USP9X: variants seen among roughly 807,000 people sequenced by gnomAD.
The protein encoded by USP9X is ubiquitin specific peptidase 9 X-linked.
A neutral mutation model predicts 190.3 loss-of-function variants in USP9X; 7 were observed. The ratio of observed to expected loss-of-function variants is 0.04; its 90% CI spans 0.02 to 0.07. USP9X has a LOEUF of 0.07. USP9X is among the 10% of genes least tolerant of loss of function. The probability of loss-of-function intolerance (pLI) is 1.00; values close to 1 mark genes in which losing one functional copy is unlikely to be tolerated. For synonymous variants in USP9X, 645 were observed against 659.5 expected, an observed-to-expected ratio of 0.98 and a Z score of 0.34; for missense variants, 1,010 against 1,916.9, an observed-to-expected ratio of 0.53 and a Z score of 8.83.
chrX:41,172,793 G>GGGCAAACTATCAC (rs1365812679), intron 21 of USP9X, among the ~76,000 whole-genome samples: 3 of 111,568 alleles, frequency 2.7e-5, no homozygotes, highest in Non-Finnish European at 5.7e-5. Flanking sequence ...TTTGATTAAT[G>GGGCAAACTATCAC]GTTTGTGTAT....
intron 21 of USP9X, among the ~76,000 whole-genome samples, chrX:41,179,851 C>T (rs2062810815): frequency 1.8e-5 from 2 of 111,556 alleles, no homozygotes. Context: ...CTTCTCCTTG[C>T]CTTCACAACA....
intron 1 of USP9X, among the ~76,000 whole-genome samples, chrX:41,104,414 A>G (rs1347155233): frequency 1.8e-5 from 2 of 112,276 alleles, no homozygotes; most frequent in African/African-American, 3.2e-5. Flanking sequence ...ATAGGACAAA[A>G]TAATTTTAAA....
Position 41,232,800 on chromosome X carries a change from C to T in USP9X, c.*276C>T. 5.9e-6 allele frequency: 1 copy of T among 168,264 alleles called. No homozygotes were observed. The highest frequency in any genetic ancestry group is 1.1e-5 in the Non-Finnish European group (1 of 88,418). 13.9% of individuals were successfully genotyped at this position (168,264 alleles called of 1,213,427 possible). On this transcript the variant is annotated 3_prime_UTR_variant, in exon 45 of 45. Transcript: ENST00000378308. ...TTAATGTTGACTGTTAATTCTTAAG[C>T]AAGAAACTTTTTTCTTGATGAGACT...
At position 41,107,299 on chromosome X, in the gene USP9X, G is replaced by A. The variant is rs760985350; in HGVS notation, c.-158-16172G>A. 6.2e-5 allele frequency among the ~76,000 whole-genome samples: 7 copies of A among 112,516 alleles called. No homozygotes were observed. In the East Asian group the frequency reaches 1.4e-3, roughly 22 times the overall value. On this transcript the variant is annotated intron_variant, in intron 1 of 44. Transcript: ENST00000378308. ...CTCCCAAAGTGCTGGGATTACAGGCGTGAGCCACTGCGCTTGGCACGATAG... is the reference window on the plus strand; with the variant it reads ...CTCCCAAAGTGCTGGGATTACAGGCATGAGCCACTGCGCTTGGCACGATAG...
At chrX:41,163,983 C>T (rs113705035) in intron 15 of USP9X, among the ~76,000 whole-genome samples, 14,637 of 110,407 alleles carry the variant, frequency 0.13, 895 homozygotes, top group East Asian at 0.21. Flanking sequence ...TACAATTCTC[C>T]TGCCTCAGCC....
intron 1 of USP9X, among the ~76,000 whole-genome samples, chrX:41,110,331 A>G: frequency 8.9e-6 from 1 of 112,776 alleles, no homozygotes; most frequent in Non-Finnish European, 1.9e-5. Flanking sequence ...AACGATACTT[A>G]ACATGCAGAA....
chrX:41,132,337 C>A (rs1178985085), intron 4 of USP9X, among the ~76,000 whole-genome samples: 3 of 76,414 alleles, frequency 3.9e-5, no homozygotes, highest in Non-Finnish European at 7.1e-5. Flanking sequence ...GAATTTCACT[C>A]TTGTTGCCCA....
In USP9X at chrX:41,223,260, T is replaced by G; in HGVS notation, c.6609T>G (p.Ala2203=). ...AGCTTCTGAAATTGAGTGTACCTGC[T>G]ACTTTTATGCTTGTGTCTTTAGATG... ...KTQLLKLSVP[A]TFMLVSLDEG... The change falls in exon 39 of 45, where the codon GCT becomes GCG. Residue 2203 remains alanine (A), a synonymous_variant. Transcript: ENST00000378308. The G allele has an allele frequency of 8.3e-7, 1 of 1,211,868 alleles. No individual in the cohort carries two copies. Among genetic ancestry groups the G allele is most frequent in the Non-Finnish European group, 1.1e-6 (1 of 895,550 alleles).
At chrX:41,147,276 G>A (rs759759265) in intron 11 of USP9X, among the ~76,000 whole-genome samples, 14 of 109,048 alleles carry the variant, frequency 1.3e-4, no homozygotes, top group East Asian at 5.7e-4. Flanking sequence ...ATGTTAGCTA[G>A]AGGTTTTTAA....
chrX:41,144,752 G>A (rs1167858450), intron 11 of USP9X, 126 bp downstream of exon 11: 15 of 495,022 alleles, frequency 3.0e-5, no homozygotes, highest in Non-Finnish European at 4.1e-5. Context: ...GTGGTGTGAA[G>A]GAATTGGCCC....
At chrX:41,107,640 T>C (rs765331550) in intron 1 of USP9X, among the ~76,000 whole-genome samples, 4 of 112,181 alleles carry the variant, frequency 3.6e-5, no homozygotes, top group Non-Finnish European at 5.6e-5. Context: ...TTCTCCCGTT[T>C]CTGGGGCTCT....
At chrX:41,140,938 C>T (rs1232286971) in intron 7 of USP9X, 28 bp from the exon 8 acceptor site, 1 of 1,145,879 alleles carries the variant, frequency 8.7e-7, no homozygotes, top group African/African-American at 1.8e-5. Flanking sequence ...TGCGTATTTA[C>T]AGGAGTTTTG....
chrX:41,130,432 AG>A (rs2062299040), intron 3 of USP9X, among the ~76,000 whole-genome samples: 1 of 108,930 alleles, frequency 9.2e-6, no homozygotes, highest in Non-Finnish European at 1.9e-5. Context: ...GCAAGTTCTC[AG>A]GGGGGAGAAA....
At chrX:41,128,430 CAGTAACATATTTCATT>C (rs1396350128) in intron 2 of USP9X, among the ~76,000 whole-genome samples, 1 of 111,218 alleles carries the variant, frequency 9.0e-6, no homozygotes, top group Non-Finnish European at 1.9e-5. Context: ...TATTAAATGG[CAGTAACATATTTCATT>C]AGGTTGTTGA....
At chrX:41,158,377 C>G (rs936798184) in intron 14 of USP9X, among the ~76,000 whole-genome samples, 1 of 111,384 alleles carries the variant, frequency 9.0e-6, no homozygotes, top group African/African-American at 3.3e-5. Flanking sequence ...TAAAAATTAA[C>G]CGCTGACTTC....
chrX:41,197,309 A>C, intron 28 of USP9X, 55 bp from the exon 29 acceptor site: 4 of 919,727 alleles, frequency 4.3e-6, no homozygotes, highest in East Asian at 3.6e-5. Flanking sequence ...CCTCCCTTTC[A>C]TAAGCTAGAC....
chrX:41,230,412 G>T, intron 43 of USP9X, 89 bp from the exon 44 acceptor site: 3 of 886,311 alleles, frequency 3.4e-6, no homozygotes, highest in East Asian at 3.7e-5. Context: ...CAGTTTTGTA[G>T]ATTTTTAAAA....
intron 2 of USP9X, among the ~76,000 whole-genome samples, chrX:41,127,292 C>A (rs1391147427): frequency 2.7e-5 from 3 of 110,685 alleles, no homozygotes; most frequent in South Asian, 3.7e-4. Context: ...GATTCTTAAT[C>A]AAAAAATTGA....
chrX:41,190,370 G>A (rs1166142502), intron 26 of USP9X, among the ~76,000 whole-genome samples: 3 of 110,981 alleles, frequency 2.7e-5, no homozygotes, highest in Non-Finnish European at 5.7e-5. Flanking sequence ...TGGGTTTAAA[G>A]TGTGAATATC....
Sources: allele counts gnomAD v4.1 joint callset (sites outside exome capture counted in the v4.1 genomes callset), GRCh38; gene constraint gnomAD v4.1.1; transcripts MANE v1.5; gene names NCBI Gene and HGNC (gene_info 2026-07-23, HGNC 2026-07-21).